Variants in TGDS observed in about 807,000 individuals in gnomAD.
TGDS encodes the protein TDP-glucose 4,6-dehydratase, also known as UDP-D-glucose 4,6-dehydratase.
In TGDS, 47 loss-of-function variants were observed where a neutral mutation model predicts 52.3. The ratio of observed to expected loss-of-function variants is 0.90; its 90% CI spans 0.71 to 1.15. The LOEUF is 1.15. Ranked by LOEUF, TGDS falls within the 50% of genes most tolerant of loss-of-function variation. The pLI is 0.00. For synonymous variants in TGDS, 115 were observed against 136.9 expected, an observed-to-expected ratio of 0.84 and a Z score of 1.12; for missense variants, 375 against 418.4, an observed-to-expected ratio of 0.90 and a Z score of 0.90.
chr13:94,579,389 C>T (rs1459332929), intron 7 of TGDS: 1 of 152,568 alleles, frequency 6.6e-6, no homozygotes, highest in East Asian at 1.9e-4. Context: ...TTATTCATTA[C>T]TTGTAGTACT....
In TGDS at chr13:94,580,228, T is replaced by G. The variant is rs79432384; in HGVS notation, c.556-275A>C. Among the ~76,000 whole-genome samples, 599 of 152,330 alleles carry G rather than the reference T, an allele frequency of 3.9e-3. 4 individuals carry two copies. Among genetic ancestry groups the G allele is most frequent in the African/African-American group, 0.013 (551 of 41,572 alleles). ...GGCACAGGTTTATAAGTCTGACTGA[T>G]AGCAAAACACGGAAGAACTTTCCAG... On this transcript the variant is annotated intron_variant, in intron 6 of 11. Coordinates refer to ENST00000261296, the MANE Select transcript of TGDS (RefSeq NM_014305.4).
At chr13:94,595,730 C>G (rs1889351577) in intron 1 of TGDS, among the ~76,000 whole-genome samples, 1 of 152,006 alleles carries the variant, frequency 6.6e-6, no homozygotes, top group South Asian at 2.1e-4. Context: ...GTGCTCTAGG[C>G]TGGAGGTGGG....
rs1283255771 is a variant in TGDS at position 94,574,299 on chromosome 13, G to A, written c.*483C>T. ...TTACAAAATTATCAATTTAAAAAGT[G>A]TTAGATATGCTTCTATTTTGTTCCA... On this transcript the variant is annotated 3_prime_UTR_variant, in exon 12 of 12. Transcript: ENST00000261296. The A allele has an allele frequency of 1.3e-5, 2 of 152,330 alleles. No homozygotes were observed. Among genetic ancestry groups the A allele is most frequent in the Non-Finnish European group, 2.9e-5 (2 of 68,134 alleles). 9.4% of individuals were successfully genotyped at this position (152,330 alleles called of 1,614,324 possible).
At position 94,582,099 on chromosome 13, in the gene TGDS, G is replaced by A. The variant is rs542532778; in HGVS notation, c.457-910C>T. Among the ~76,000 whole-genome samples the A allele has an allele frequency of 2.8e-3, 432 of 152,086 alleles. 1 individual carries two copies. Among genetic ancestry groups the A allele is most frequent in the African/African-American group, 0.01 (418 of 41,490 alleles). The stretch of plus-strand genomic sequence containing the variant: ...TGCAATCCCAGCTACTCGGGAGGCT[G>A]AGGCAGGAGAATTGCTTGAACCTGG... On this transcript the variant is annotated intron_variant, in intron 5 of 11. Transcript: ENST00000261296.
intron 5 of TGDS, among the ~76,000 whole-genome samples, chr13:94,582,633 A>C (rs1311331701): frequency 6.6e-6 from 1 of 152,210 alleles, no homozygotes; most frequent in Non-Finnish European, 1.5e-5. Context: ...AGGGAGATTA[A>C]CATTTGAGTT....
chr13:94,586,740 G>C, intron 4 of TGDS, among the ~76,000 whole-genome samples: 1 of 139,530 alleles, frequency 7.2e-6, no homozygotes, highest in Non-Finnish European at 1.5e-5. Flanking sequence ...GATGAGAGAA[G>C]AAATCAAATT....
chr13:94,578,020 T>G lies in TGDS; in HGVS notation c.810A>C (p.Lys270Asn). 6.2e-7 allele frequency: 1 copy of G among 1,613,764 alleles called. No homozygotes were observed. Among genetic ancestry groups the G allele is most frequent in the Non-Finnish European group, 8.5e-7 (1 of 1,179,808 alleles). The change falls in exon 9 of 12, where the codon AAA (lysine) becomes AAC (asparagine). Residue 270 changes from lysine to asparagine, a missense_variant. Lys to Asn is a moderately conservative substitution (Grantham distance 94). Transcript: ENST00000261296. ...AGATACATACCAGTTGTATTAGTTC[T>G]TTGGCAAGCTGGACAACTGACATTT... is the stretch of plus-strand genomic sequence containing the variant. ...NFEMSVVQLA[K>N]ELIQLIKETN...
chr13:94,577,411 CTGAAT>C lies in TGDS; in HGVS notation c.839_843del (p.Asn280ArgfsTer3). On this transcript the variant is annotated frameshift_variant, in exon 10 of 12. Transcript: ENST00000261296. LOFTEE classifies it high-confidence loss of function. ...TCAACCCAATTTTCCATTTCAGACT[CTGAAT>C]TGGTCTCTTTGATCTGTCAAAATGG... 6.3e-7 allele frequency: 1 copy of C among 1,575,700 alleles called. No individual in the cohort carries two copies. The highest frequency in any genetic ancestry group is 8.6e-7 in the Non-Finnish European group (1 of 1,165,456).
intron 4 of TGDS, among the ~76,000 whole-genome samples, chr13:94,585,370 T>C (rs1179942040): frequency 6.6e-6 from 1 of 152,150 alleles, no homozygotes; most frequent in Non-Finnish European, 1.5e-5. Context: ...TTTATGTAGA[T>C]ATTCCAGGTA....
At chr13:94,588,320 G>T (rs1889071696) in intron 4 of TGDS, among the ~76,000 whole-genome samples, 2 of 150,312 alleles carry the variant, frequency 1.3e-5, no homozygotes, top group South Asian at 4.2e-4. Flanking sequence ...CTACTCAGGA[G>T]GCTGAGGCAG....
At chr13:94,580,807 A>C (rs1372716169) in intron 6 of TGDS, among the ~76,000 whole-genome samples, 2 of 152,192 alleles carry the variant, frequency 1.3e-5, no homozygotes, top group Non-Finnish European at 2.9e-5. Context: ...ATAATATGTA[A>C]ATTTTCTCAA....
chr13:94,574,544 A>G lies in TGDS; in HGVS notation c.*238T>C, dbSNP rs1888528926. 4.5e-6 allele frequency: 2 copies of G among 448,098 alleles called. No homozygotes were observed. Among genetic ancestry groups the G allele is most frequent in the Admixed American group, 4.1e-5 (1 of 24,684 alleles). The allele number at this position is 448,098 out of a possible 1,614,324, so 27.8% of individuals were successfully genotyped here. ...CCCTTAGGGAGAGTCTTCTACACCT[A>G]TTATTTCCTAGTTTCTAGGAGAAAG... On this transcript the variant is annotated 3_prime_UTR_variant, in exon 12 of 12. Coordinates refer to ENST00000261296, the MANE Select transcript of TGDS (RefSeq NM_014305.4).
In TGDS at chr13:94,591,515, C is replaced by A. The variant is rs571651727; in HGVS notation, c.223-572G>T. Among the ~76,000 whole-genome samples, 12 of 152,312 alleles carry A rather than the reference C, an allele frequency of 7.9e-5. No homozygotes were observed. The South Asian group carries it at 2.3e-3, about 29-fold the overall frequency. On this transcript the variant is annotated intron_variant, in intron 3 of 11. Coordinates refer to ENST00000261296, the MANE Select transcript of TGDS (RefSeq NM_014305.4). ...GGCTGAAGCAGGAGAATTGCTTGAA[C>A]CCCGGAGGCAGGGGTCGCAGTGAGC...
At chr13:94,590,273 T>A (rs4489873) in intron 4 of TGDS, among the ~76,000 whole-genome samples, 47,453 of 149,054 alleles carry the variant, frequency 0.32, 9,238 homozygotes, top group East Asian at 0.56. Context: ...CTGTATTGTT[T>A]AGGGATAAAT....
chr13:94,574,734 T>A lies in TGDS; in HGVS notation c.*48A>T. 8.5e-7 allele frequency: 1 copy of A among 1,182,356 alleles called. No individual in the cohort carries two copies. Among genetic ancestry groups the A allele is most frequent in the South Asian group, 1.3e-5 (1 of 76,728 alleles). 73.2% of individuals were successfully genotyped at this position (1,182,356 alleles called of 1,614,324 possible). A position where few individuals can be genotyped will look rare whatever the true frequency, so the allele number is the denominator to read the frequency against. ...CTTAATTTCATACCACTTGGCGAGG[T>A]AGGATAACTTTCTTCTTTGACAACT... is the stretch of plus-strand genomic sequence containing the variant. On this transcript the variant is annotated 3_prime_UTR_variant, in exon 12 of 12. Transcript: ENST00000261296.
At chr13:94,575,443 C>T (rs1594435856) in intron 11 of TGDS, among the ~76,000 whole-genome samples, 1 of 151,972 alleles carries the variant, frequency 6.6e-6, no homozygotes. Flanking sequence ...GCATGTGCCA[C>T]CATGCCCCGC....
At chr13:94,592,392 A>T in intron 2 of TGDS, 83 bp from the exon 3 acceptor site, 1 of 1,039,486 alleles carries the variant, frequency 9.6e-7, no homozygotes. Context: ...TTTAAAGACT[A>T]CAGATGTTAC....
intron 1 of TGDS, among the ~76,000 whole-genome samples, chr13:94,595,276 G>A (rs1367090980): frequency 6.6e-6 from 1 of 152,232 alleles, no homozygotes; most frequent in Non-Finnish European, 1.5e-5. Flanking sequence ...AGATCAGGTT[G>A]CAAAAGTAGG....
chr13:94,596,132 G>A lies in TGDS; in HGVS notation c.5C>T (p.Ser2Leu), dbSNP rs1269740294. The A allele has an allele frequency of 5.6e-6, 9 of 1,613,870 alleles. No individual in the cohort carries two copies. The highest frequency in any genetic ancestry group is 1.3e-5 in the African/African-American group (1 of 74,928). ...CCACGGTTCCTCCCAACACGCCGCC[G>A]ACATCTCCCAGCTCAGCAGTGCCTA... MSAACWEEPWGL... is the reference protein window; with the variant it reads MLAACWEEPWGL... The change falls in exon 1 of 12, where the codon TCG becomes TTG. Residue 2 changes from serine to leucine, a missense_variant. Ser to Leu is a moderately radical substitution (Grantham distance 145, BLOSUM62 -2). Transcript: ENST00000261296.
Sources: allele counts gnomAD v4.1 joint callset (sites outside exome capture counted in the v4.1 genomes callset), GRCh38; gene constraint gnomAD v4.1.1; transcripts MANE v1.5; gene names NCBI Gene and HGNC (gene_info 2026-07-23, HGNC 2026-07-21).